Variants in GAS2 observed in about 807,000 individuals in gnomAD.
GAS2 encodes growth arrest specific 2.
Under a neutral mutation model 37.5 loss-of-function variants are expected in GAS2, and 20 were observed. That is an observed-to-expected ratio of 0.53 (90% confidence interval 0.37 to 0.77). The LOEUF is 0.77. GAS2 is among the 30% of genes least tolerant of loss of function. GAS2 has a pLI of 0.00. For synonymous variants in GAS2, 144 were observed against 132.2 expected (o/e 1.09, Z -0.61); for missense variants, 336 against 373.4 (o/e 0.90, Z 0.82).
intron 3 of GAS2, among the ~76,000 whole-genome samples, chr11:22,697,265 G>A (rs7933717): frequency 0.98 from 148,592 of 151,572 alleles, 72,919 homozygotes; most frequent in Middle Eastern, 1. Flanking sequence ...GATAAGTGGC[G>A]TTATTTCTGA....
intron 1 of GAS2, among the ~76,000 whole-genome samples, chr11:22,638,687 G>A (rs1858872073): frequency 6.6e-6 from 1 of 152,108 alleles, no homozygotes; most frequent in African/African-American, 2.4e-5. Context: ...AGGACACTAT[G>A]CAACTGATGG....
At chr11:22,697,401 GGC>G (rs899360202) in intron 3 of GAS2, among the ~76,000 whole-genome samples, 9 of 152,094 alleles carry the variant, frequency 5.9e-5, no homozygotes, top group Non-Finnish European at 1.3e-4. Flanking sequence ...TTGTTATTTT[GGC>G]TTAGGATTGA....
rs1484527633 is a variant in GAS2 at position 22,812,007 on chromosome 11, A to G, written c.933A>G (p.Glu311=). ...CTGCCAGTTATAAGGCTAAGAAGGA[A>G]ATTAAGTGAAACAAATTGGTCATGA... is the stretch of plus-strand genomic sequence containing the variant. ...VVSASYKAKK[E]IK Residue 311 remains glutamate (E), a synonymous_variant, in exon 8 of 8, where the codon GAA becomes GAG. Transcript: ENST00000454584. 1 of 1,613,464 alleles carries G rather than the reference A, an allele frequency of 6.2e-7. No homozygotes were observed. Among genetic ancestry groups the G allele is most frequent in the Admixed American group, 1.7e-5 (1 of 59,994 alleles).
At chr11:22,773,038 C>T (rs765746743) in intron 7 of GAS2, among the ~76,000 whole-genome samples, 25 of 152,226 alleles carry the variant, frequency 1.6e-4, no homozygotes, top group Non-Finnish European at 2.8e-4. Context: ...CAGGAAGTTC[C>T]AGTAGAGTGC....
intron 1 of GAS2, among the ~76,000 whole-genome samples, chr11:22,651,798 G>T (rs1180203964): frequency 1.3e-5 from 2 of 152,078 alleles, no homozygotes; most frequent in African/African-American, 4.8e-5. Flanking sequence ...CTCTGTATTG[G>T]TTATTCTAGT....
chr11:22,667,884 T>C (rs1849046352), intron 1 of GAS2, among the ~76,000 whole-genome samples: 1 of 152,190 alleles, frequency 6.6e-6, no homozygotes, highest in Non-Finnish European at 1.5e-5. Flanking sequence ...GTGATCTTCT[T>C]ACAGTGAAGA....
chr11:22,794,332 CCTCCCTAGTT>C (rs1856326499), intron 7 of GAS2, among the ~76,000 whole-genome samples: 1 of 151,984 alleles, frequency 6.6e-6, no homozygotes, highest in Non-Finnish European at 1.5e-5. Flanking sequence ...TCTTATTTTC[CCTCCCTAGTT>C]CTCCCCAGAG....
intron 1 of GAS2, among the ~76,000 whole-genome samples, chr11:22,645,890 C>A (rs1415783762): frequency 7.0e-6 from 1 of 142,644 alleles, no homozygotes; most frequent in Non-Finnish European, 1.5e-5. Context: ...CTTGCCCAGG[C>A]TGGAGTGCAA....
Position 22,709,873 on chromosome 11 carries a change from A to C in GAS2, c.268-16419A>C, listed in dbSNP as rs1851309845. Among the ~76,000 whole-genome samples the C allele has an allele frequency of 2.6e-5, 4 of 152,242 alleles. No homozygotes were observed. The South Asian group carries it at 8.3e-4, about 32-fold the overall frequency. ...CATGTCCTTTGTAGGGACATGGATG[A>C]AATTGGAAATCATCATTCTCAGTAA... is the stretch of plus-strand genomic sequence containing the variant. On this transcript the variant is annotated intron_variant, in intron 3 of 7. Transcript: ENST00000454584.
At chr11:22,681,873 T>C (rs1189949339) in intron 2 of GAS2, among the ~76,000 whole-genome samples, 1 of 152,076 alleles carries the variant, frequency 6.6e-6, no homozygotes, top group Non-Finnish European at 1.5e-5. Context: ...TTAATATTAA[T>C]GTAATAATGA....
rs932350745 is a variant in GAS2 at position 22,657,065 on chromosome 11, G to A, written c.-20-17785G>A. 7.2e-5 allele frequency among the ~76,000 whole-genome samples: 11 copies of A among 152,180 alleles called. No individual in the cohort carries two copies. In the East Asian group the frequency reaches 2.1e-3, roughly 29 times the overall value. On this transcript the variant is annotated intron_variant, in intron 1 of 5. Transcript: ENST00000528582. ...TAGAAAGAATCTAGTATTCAAATAA[G>A]AGGAGGAATTCTGGAAGTGTGAATA... is the stretch of plus-strand genomic sequence containing the variant.
intron 1 of GAS2, chr11:22,626,146 T>C (rs1057364787): frequency 3.9e-5 from 15 of 380,814 alleles, no homozygotes; most frequent in African/African-American, 3.1e-4. Context: ...AGAAATTTTC[T>C]GAGCTTTGCC....
At chr11:22,744,005 A>G (rs767040483) in intron 5 of GAS2, among the ~76,000 whole-genome samples, 4 of 152,166 alleles carry the variant, frequency 2.6e-5, no homozygotes, top group Non-Finnish European at 5.9e-5. Context: ...AGAGACTATT[A>G]TGAACACCCT....
At chr11:22,698,892 T>A (rs1215646143) in intron 3 of GAS2, among the ~76,000 whole-genome samples, 4 of 152,204 alleles carry the variant, frequency 2.6e-5, no homozygotes, top group Non-Finnish European at 5.9e-5. Flanking sequence ...TTTGTGATGG[T>A]TCTAGTGTTT....
intron 1 of GAS2, among the ~76,000 whole-genome samples, chr11:22,650,713 C>T (rs1196029480): frequency 1.3e-5 from 2 of 152,088 alleles, no homozygotes; most frequent in Non-Finnish European, 2.9e-5. Flanking sequence ...GGTTTAAAGT[C>T]TGTTTTGTCA....
intron 6 of GAS2, 45 bp downstream of exon 6, chr11:22,749,306 T>C (rs1372012052): frequency 6.4e-7 from 1 of 1,560,550 alleles, no homozygotes; most frequent in Admixed American, 1.8e-5. Context: ...TAGTCTTTCT[T>C]GCACTACAAA....
chr11:22,749,312 A>G (rs777025549), intron 6 of GAS2, 51 bp downstream of exon 6: 31 of 1,517,480 alleles, frequency 2.0e-5, no homozygotes, highest in Non-Finnish European at 2.7e-5. Context: ...TTCTTGCACT[A>G]CAAAACATAT....
At chr11:22,766,995 T>C (rs1854730799) in intron 7 of GAS2, among the ~76,000 whole-genome samples, 1 of 152,202 alleles carries the variant, frequency 6.6e-6, no homozygotes, top group African/African-American at 2.4e-5. Context: ...GCATAGCAAC[T>C]AATGCTTTGA....
chr11:22,705,796 A>G (rs1270103216), intron 3 of GAS2, among the ~76,000 whole-genome samples: 5 of 152,216 alleles, frequency 3.3e-5, no homozygotes, highest in Non-Finnish European at 7.3e-5. Context: ...GTATGCAAAC[A>G]GTGAATTTCA....
Sources: gnomAD v4.1 joint callset for allele counts (sites outside exome capture counted in the v4.1 genomes callset) on GRCh38, gnomAD v4.1.1 for gene constraint, MANE v1.5 for transcripts, NCBI Gene and HGNC (gene_info 2026-07-23, HGNC 2026-07-21) for gene names.